Variants in LOC122539214 observed in about 807,000 individuals in gnomAD.
chr19:52,656,514 G>T, the LOC122539214 span, among the ~76,000 whole-genome samples: 1 of 151,956 alleles, frequency 6.6e-6, no homozygotes, highest in Non-Finnish European at 1.5e-5. Flanking sequence ...AACAGAGCAA[G>T]TCTTTCTCAA....
chr19:52,661,883 G>C, the LOC122539214 span, among the ~76,000 whole-genome samples: 1 of 151,238 alleles, frequency 6.6e-6, no homozygotes, highest in Non-Finnish European at 1.5e-5. Flanking sequence ...AGGGAAGAAA[G>C]GCTGCTTGTC....
chr19:52,678,191 G>C, the LOC122539214 span, among the ~76,000 whole-genome samples: 1 of 152,026 alleles, frequency 6.6e-6, no homozygotes, highest in African/African-American at 2.4e-5. Flanking sequence ...GGTGGCTCAA[G>C]CCTGTAATCC....
the LOC122539214 span, among the ~76,000 whole-genome samples, chr19:52,683,858 T>C: frequency 3.0e-4 from 46 of 152,002 alleles, no homozygotes; most frequent in African/African-American, 1.1e-3. Flanking sequence ...CCAGAGTAGG[T>C]GCTGCTGTTG....
the LOC122539214 span, chr19:52,655,721 G>C: frequency 2.4e-6 from 2 of 848,732 alleles, no homozygotes. Flanking sequence ...CAAAACATTA[G>C]GGAGGAGTCA....
chr19:52,662,137 C>A, the LOC122539214 span, among the ~76,000 whole-genome samples: 5 of 152,330 alleles, frequency 3.3e-5, no homozygotes, highest in African/African-American at 1.2e-4. Flanking sequence ...TGTATTTTCT[C>A]ACGCCTTTCA....
At chr19:52,653,425 T>A in the LOC122539214 span, 1 of 828,524 alleles carries the variant, frequency 1.2e-6, no homozygotes, top group Non-Finnish European at 2.0e-6. Context: ...ATGAACTCTG[T>A]TATGGCGTGA....
At chr19:52,687,589 T>A in the LOC122539214 span, among the ~76,000 whole-genome samples, 227 of 58,416 alleles carry the variant, frequency 3.9e-3, 29 homozygotes, top group African/African-American at 0.02. Context: ...TATATATATA[T>A]ATATATAATG....
chr19:52,659,052 C>T, the LOC122539214 span, among the ~76,000 whole-genome samples: 6 of 152,226 alleles, frequency 3.9e-5, no homozygotes, highest in East Asian at 3.9e-4. Context: ...TGTCGGTGTA[C>T]GTTTCATTCA....
the LOC122539214 span, among the ~76,000 whole-genome samples, chr19:52,683,678 G>A: frequency 5.3e-5 from 8 of 152,092 alleles, no homozygotes; most frequent in African/African-American, 1.7e-4. Flanking sequence ...TGGTCTGTAG[G>A]GCTTTTCTGA....
At chr19:52,677,124 T>A in the LOC122539214 span, among the ~76,000 whole-genome samples, 97,101 of 135,364 alleles carry the variant, frequency 0.72, 34,155 homozygotes, top group African/African-American at 0.85. Context: ...AATGATCAAT[T>A]AAAAAAAAAA....
chr19:52,686,391 T>C, the LOC122539214 span, among the ~76,000 whole-genome samples: 1 of 150,922 alleles, frequency 6.6e-6, no homozygotes, highest in African/African-American at 2.4e-5. Context: ...CTTTCAGAAG[T>C]GATTAAGTAT....
At chr19:52,685,357 G>A in the LOC122539214 span, among the ~76,000 whole-genome samples, 1 of 152,054 alleles carries the variant, frequency 6.6e-6, no homozygotes, top group Non-Finnish European at 1.5e-5. Flanking sequence ...AAGGGCTAAC[G>A]GGAAGGGTTG....
chr19:52,674,914 C>T, the LOC122539214 span, among the ~76,000 whole-genome samples: 4 of 152,198 alleles, frequency 2.6e-5, no homozygotes, highest in Admixed American at 2.6e-4. Context: ...GGAAAAGTGG[C>T]TAACCTCTGT....
the LOC122539214 span, among the ~76,000 whole-genome samples, chr19:52,671,014 G>T: frequency 1.3e-5 from 2 of 152,268 alleles, no homozygotes; most frequent in South Asian, 4.2e-4. Flanking sequence ...TAGATTTTTA[G>T]TTATTCTCTT....
the LOC122539214 span, among the ~76,000 whole-genome samples, chr19:52,688,396 A>AT: frequency 1.3e-5 from 2 of 150,434 alleles, no homozygotes; most frequent in Non-Finnish European, 3.0e-5. Flanking sequence ...CTGGTCTAGA[A>AT]CTCCTGGACT....
chr19:52,653,358 T>A, the LOC122539214 span: 16 of 1,174,466 alleles, frequency 1.4e-5, no homozygotes, highest in Non-Finnish European at 1.9e-5. Context: ...GTGCAAGGTA[T>A]GAATCACGCT....
At chr19:52,665,015 G>A in the LOC122539214 span, among the ~76,000 whole-genome samples, 6 of 152,260 alleles carry the variant, frequency 3.9e-5, no homozygotes, top group African/African-American at 1.4e-4. Context: ...AAACCTCAAA[G>A]TTGTCTAGGG....
At chr19:52,676,966 A>G in the LOC122539214 span, among the ~76,000 whole-genome samples, 106 of 144,026 alleles carry the variant, frequency 7.4e-4, no homozygotes, top group Non-Finnish European at 1.0e-3. Context: ...CCTAATCTCA[A>G]GTAATCAGGG....
chr19:52,678,975 A>G, the LOC122539214 span, among the ~76,000 whole-genome samples: 1 of 27,746 alleles, frequency 3.6e-5, no homozygotes, highest in Non-Finnish European at 6.7e-5. Context: ...CTCCATCTCA[A>G]AAAAAAAAAA....
Sources: allele counts gnomAD v4.1 joint callset (sites outside exome capture counted in the v4.1 genomes callset), GRCh38; gene constraint gnomAD v4.1.1; transcripts MANE v1.5.